Variants in AR observed in about 807,000 individuals in gnomAD.
AR encodes dihydrotestosterone receptor.
A neutral mutation model predicts 53.9 loss-of-function variants in AR; 8 were observed. The observed-to-expected ratio is 0.15, with a 90% CI of 0.09 to 0.27. AR has a LOEUF of 0.27. AR is among the 10% of genes least tolerant of loss of function. The probability of loss-of-function intolerance (pLI) is 1.00; values close to 1 mark genes in which losing one functional copy is unlikely to be tolerated. For synonymous variants in AR, 359 were observed against 316.4 expected (o/e 1.13, Z -1.43); for missense variants, 639 against 742.5 (o/e 0.86, Z 1.62).
chrX:67,640,962 C>T (rs1376624678), intron 1 of AR, among the ~76,000 whole-genome samples: 1 of 111,066 alleles, frequency 9.0e-6, no homozygotes, highest in Non-Finnish European at 1.9e-5. Context: ...TCCAGTCCTT[C>T]TTCTCTAACA....
intron 3 of AR, among the ~76,000 whole-genome samples, chrX:67,709,569 C>T (rs894940102): frequency 2.7e-5 from 3 of 112,294 alleles, no homozygotes; most frequent in African/African-American, 6.5e-5. Context: ...AAGGGAATTT[C>T]CTGACCCTTT....
At chrX:67,609,809 CTT>C (rs1479044198) in intron 1 of AR, among the ~76,000 whole-genome samples, 2 of 111,659 alleles carry the variant, frequency 1.8e-5, no homozygotes, top group Non-Finnish European at 3.8e-5. Flanking sequence ...GTTGGAAAAA[CTT>C]AAGTAGGCAT....
At chrX:67,675,269 G>A (rs1190287894) in intron 2 of AR, among the ~76,000 whole-genome samples, 1 of 108,949 alleles carries the variant, frequency 9.2e-6, no homozygotes, top group East Asian at 2.9e-4. Context: ...ATTGGAGGAG[G>A]GGTGGCACAA....
chrX:67,643,519 C>A, intron 2 of AR, 112 bp downstream of exon 2: 1 of 1,036,802 alleles, frequency 9.6e-7, no homozygotes, highest in Non-Finnish European at 1.3e-6. Flanking sequence ...GAGTCATTGG[C>A]AAGGCCCTAT....
chrX:67,544,801 AT>A lies in AR; in HGVS notation c.-343del, dbSNP rs1281596956. 3 of 210,088 alleles carry A rather than the reference AT, an allele frequency of 1.4e-5. No individual in the cohort carries two copies. Among genetic ancestry groups the A allele is most frequent in the African/African-American group, 2.9e-5 (1 of 34,814 alleles). 17.3% of individuals were successfully genotyped at this position (210,088 alleles called of 1,213,427 possible). A position where few individuals can be genotyped will look rare whatever the true frequency, so the allele number is the denominator to read the frequency against. On this transcript the variant is annotated 5_prime_UTR_variant, in exon 1 of 8. Transcript: ENST00000374690. ...AGAAAAAGATAATAACTCAGTTCTT[AT>A]TTGCACCTACTTCAGTGGACACTGA...
intron 1 of AR, among the ~76,000 whole-genome samples, chrX:67,558,481 AG>A (rs1458250697): frequency 8.9e-6 from 1 of 111,898 alleles, no homozygotes; most frequent in Non-Finnish European, 1.9e-5. Flanking sequence ...GGAGCTTCTC[AG>A]ATTACCCTTC....
chrX:67,649,587 A>G (rs185598231), intron 2 of AR, among the ~76,000 whole-genome samples: 57 of 112,547 alleles, frequency 5.1e-4, no homozygotes, highest in African/African-American at 1.7e-3. Context: ...TTGACATGGT[A>G]TCTCACTGTG....
At chrX:67,640,717 G>A (rs1047193524) in intron 1 of AR, among the ~76,000 whole-genome samples, 2 of 109,822 alleles carry the variant, frequency 1.8e-5, no homozygotes, top group African/African-American at 3.3e-5. Flanking sequence ...TTCTTCTTTA[G>A]TAGTCTGGCT....
At chrX:67,698,752 C>T (rs1177158881) in intron 3 of AR, among the ~76,000 whole-genome samples, 1 of 111,545 alleles carries the variant, frequency 9.0e-6, no homozygotes, top group Admixed American at 9.5e-5. Flanking sequence ...ACTGTCTCAC[C>T]CTTGCTTTCC....
intron 1 of AR, among the ~76,000 whole-genome samples, chrX:67,564,716 C>G (rs1207135821): frequency 1.8e-5 from 2 of 111,603 alleles, no homozygotes; most frequent in Non-Finnish European, 3.8e-5. Context: ...TAATTCTTTT[C>G]TTTTCAGTTT....
intron 1 of AR, among the ~76,000 whole-genome samples, chrX:67,629,339 T>G (rs1366168833): frequency 9.1e-6 from 1 of 109,469 alleles, no homozygotes; most frequent in Non-Finnish European, 1.9e-5. Flanking sequence ...TATTCAGAGA[T>G]TCAACTTCTT....
chrX:67,691,078 G>A (rs1046511636), intron 3 of AR, among the ~76,000 whole-genome samples: 2 of 112,288 alleles, frequency 1.8e-5, no homozygotes, highest in East Asian at 5.6e-4. Context: ...AAGAAAACTG[G>A]CAGCAGCACA....
chrX:67,574,255 T>C (rs1921948287), intron 1 of AR, among the ~76,000 whole-genome samples: 2 of 111,489 alleles, frequency 1.8e-5, no homozygotes, highest in South Asian at 3.8e-4. Flanking sequence ...TTATAGAAGG[T>C]GATGAGTTCC....
chrX:67,639,198 C>T (rs757681074), intron 1 of AR, among the ~76,000 whole-genome samples: 22 of 111,833 alleles, frequency 2.0e-4, no homozygotes, highest in Non-Finnish European at 3.0e-4. Context: ...GTACCAGTAC[C>T]GTGCTATTTT....
intron 2 of AR, among the ~76,000 whole-genome samples, chrX:67,655,689 C>T (rs1285999870): frequency 9.0e-6 from 1 of 110,637 alleles, no homozygotes; most frequent in African/African-American, 3.3e-5. Flanking sequence ...TGATACCACC[C>T]CCAAAGGCTT....
At chrX:67,631,867 C>A (rs1242131289) in intron 1 of AR, among the ~76,000 whole-genome samples, 1 of 111,117 alleles carries the variant, frequency 9.0e-6, no homozygotes, top group African/African-American at 3.3e-5. Flanking sequence ...AGACAGGACC[C>A]TCAGCTGCAG....
At chrX:67,658,908 C>G (rs1328858258) in intron 2 of AR, among the ~76,000 whole-genome samples, 1 of 111,578 alleles carries the variant, frequency 9.0e-6, no homozygotes, top group African/African-American at 3.3e-5. Flanking sequence ...GTGTGATAAC[C>G]AAACCTTTAC....
At chrX:67,695,796 A>AAC (rs1434969898) in intron 3 of AR, 4 of 647,570 alleles carry the variant, frequency 6.2e-6, no homozygotes, top group Non-Finnish European at 7.0e-6. Flanking sequence ...CTCCCCCCCC[A>AAC]ACACACACAC....
chrX:67,640,408 T>G (rs1415112043), intron 1 of AR, among the ~76,000 whole-genome samples: 1 of 111,612 alleles, frequency 9.0e-6, no homozygotes, highest in African/African-American at 3.3e-5. Context: ...CAGCTCCTCT[T>G]TGTACATCTG....
Sources: gnomAD v4.1 joint callset for allele counts (sites outside exome capture counted in the v4.1 genomes callset) on GRCh38, gnomAD v4.1.1 for gene constraint, MANE v1.5 for transcripts, NCBI Gene and HGNC (gene_info 2026-07-23, HGNC 2026-07-21) for gene names.